GLIS3: variants seen among roughly 807,000 people sequenced by gnomAD.
The protein encoded by GLIS3 is GLIS family zinc finger 3.
A neutral mutation model predicts 78.6 loss-of-function variants in GLIS3; 53 were observed. That is an observed-to-expected ratio of 0.67 (90% confidence interval 0.54 to 0.85). The LOEUF is 0.85. Ranked by LOEUF, GLIS3 falls within the 40% of genes least tolerant of loss-of-function variation. The probability of loss-of-function intolerance (pLI) is 0.00; values close to 1 mark genes in which losing one functional copy is unlikely to be tolerated. For synonymous variants in GLIS3, 684 were observed against 509.9 expected (o/e 1.34, Z -4.60); for missense variants, 1,703 against 1,231.1 (o/e 1.38, Z -5.74).
intron 2 of GLIS3, among the ~76,000 whole-genome samples, chr9:4,336,101 T>C (rs961555609): frequency 6.6e-6 from 1 of 152,192 alleles, no homozygotes; most frequent in Non-Finnish European, 1.5e-5. Context: ...ATAAGCCACA[T>C]GGCATGATAT....
At chr9:4,457,119 T>A in the GLIS3 span, among the ~76,000 whole-genome samples, 1 of 152,072 alleles carries the variant, frequency 6.6e-6, no homozygotes, top group African/African-American at 2.4e-5. Context: ...TCTCAGAGCT[T>A]TGGGAGGCTG....
chr9:4,439,449 C>G, the GLIS3 span, among the ~76,000 whole-genome samples: 1 of 152,208 alleles, frequency 6.6e-6, no homozygotes, highest in Non-Finnish European at 1.5e-5. Context: ...TACCTCCTGG[C>G]CACAGGCACT....
intron 2 of GLIS3, among the ~76,000 whole-genome samples, chr9:4,135,251 G>A (rs1395727369): frequency 6.6e-6 from 1 of 152,034 alleles, no homozygotes; most frequent in Non-Finnish European, 1.5e-5. Context: ...ATGTATTTGT[G>A]TATGTGTCCA....
chr9:4,446,842 T>C, the GLIS3 span, among the ~76,000 whole-genome samples: 1 of 151,936 alleles, frequency 6.6e-6, no homozygotes, highest in Non-Finnish European at 1.5e-5. Context: ...GAAAGTGCTT[T>C]CATTGTGTGA....
At chr9:4,150,175 C>G (rs570990657) in intron 2 of GLIS3, among the ~76,000 whole-genome samples, 2 of 152,248 alleles carry the variant, frequency 1.3e-5, no homozygotes, top group South Asian at 4.2e-4. Flanking sequence ...CCCCTTTCTA[C>G]TAGAAACCAA....
intron 2 of GLIS3, among the ~76,000 whole-genome samples, chr9:4,187,043 C>T (rs1033537426): frequency 6.8e-4 from 104 of 152,182 alleles, no homozygotes; most frequent in South Asian, 3.1e-3. Context: ...CCATTGCTTT[C>T]AGTGTTTTAG....
At chr9:4,007,730 C>G (rs1821668628) in intron 4 of GLIS3, among the ~76,000 whole-genome samples, 2 of 152,080 alleles carry the variant, frequency 1.3e-5, no homozygotes, top group African/African-American at 4.8e-5. Context: ...ATCACACACA[C>G]AAATGTAATT....
At chr9:4,217,579 T>C (rs1820967836) in intron 2 of GLIS3, among the ~76,000 whole-genome samples, 1 of 152,218 alleles carries the variant, frequency 6.6e-6, no homozygotes, top group Admixed American at 6.5e-5. Flanking sequence ...CTACTTGTAG[T>C]ACCCTCAGCT....
intron 1 of GLIS3, among the ~76,000 whole-genome samples, chr9:4,293,388 G>A (rs1816196921): frequency 6.6e-6 from 1 of 152,186 alleles, no homozygotes; most frequent in Non-Finnish European, 1.5e-5. Flanking sequence ...TCTGGCTGTT[G>A]GTAGACAGCA....
upstream of GLIS3, among the ~76,000 whole-genome samples, chr9:4,304,109 A>C (rs1817165170): frequency 6.6e-6 from 1 of 152,248 alleles, no homozygotes; most frequent in African/African-American, 2.4e-5. Context: ...AGAATGAAAG[A>C]ATGGTTTCTT....
At chr9:4,366,882 G>C in the GLIS3 span, among the ~76,000 whole-genome samples, 1 of 152,198 alleles carries the variant, frequency 6.6e-6, no homozygotes, top group Non-Finnish European at 1.5e-5. Context: ...ATGGGCCAGA[G>C]GAAAATTACA....
At chr9:3,855,848 G>A in intron 9 of GLIS3, 161 bp downstream of exon 9, 1 of 768,634 alleles carries the variant, frequency 1.3e-6, no homozygotes, top group Non-Finnish European at 2.3e-6. Flanking sequence ...AAATACCATA[G>A]GATTTCATGC....
intron 2 of GLIS3, among the ~76,000 whole-genome samples, chr9:4,247,003 G>A (rs1319601356): frequency 1.3e-5 from 2 of 152,166 alleles, no homozygotes; most frequent in African/African-American, 4.8e-5. Context: ...TGGTTGAATT[G>A]TCTGTTCCAC....
At chr9:4,162,833 G>T (rs1243451145) in intron 2 of GLIS3, among the ~76,000 whole-genome samples, 1 of 130,798 alleles carries the variant, frequency 7.6e-6, no homozygotes, top group Non-Finnish European at 1.5e-5. Flanking sequence ...CTCCAGCCCG[G>T]GCGACAGAGT....
At chr9:4,385,545 A>T in the GLIS3 span, among the ~76,000 whole-genome samples, 105,999 of 151,310 alleles carry the variant, frequency 0.7, 38,896 homozygotes, top group Non-Finnish European at 0.82. Flanking sequence ...GGCACCTGTA[A>T]TCCCAGCTAC....
chr9:4,130,685 T>C (rs188604223), intron 2 of GLIS3, among the ~76,000 whole-genome samples: 84 of 152,312 alleles, frequency 5.5e-4, no homozygotes, highest in African/African-American at 1.9e-3. Flanking sequence ...AAAGCCTGGA[T>C]GTCCAGACAG....
chr9:4,331,906 T>G (rs985985311), intron 2 of GLIS3, among the ~76,000 whole-genome samples: 2 of 152,138 alleles, frequency 1.3e-5, no homozygotes, highest in Admixed American at 6.5e-5. Context: ...AAATTCAAAA[T>G]GCCCAGGTTG....
At chr9:4,179,580 A>G (rs562418722) in intron 2 of GLIS3, among the ~76,000 whole-genome samples, 1 of 152,338 alleles carries the variant, frequency 6.6e-6, no homozygotes, top group East Asian at 1.9e-4. Flanking sequence ...TCCCATAGAC[A>G]GAAGAAATAT....
At chr9:4,233,839 CAT>C (rs1822485282) in intron 2 of GLIS3, among the ~76,000 whole-genome samples, 1 of 152,224 alleles carries the variant, frequency 6.6e-6, no homozygotes, top group Non-Finnish European at 1.5e-5. Flanking sequence ...GTGTAGCCAT[CAT>C]CATCAGTGAT....
Sources: gnomAD v4.1 joint callset for allele counts (sites outside exome capture counted in the v4.1 genomes callset) on GRCh38, gnomAD v4.1.1 for gene constraint, MANE v1.5 for transcripts, NCBI Gene and HGNC (gene_info 2026-07-23, HGNC 2026-07-21) for gene names.